The following OTOGL variants were observed in gnomAD, a reference collection of about 807,000 sequenced individuals.
OTOGL encodes the protein otogelin like.
A neutral mutation model predicts 318.5 loss-of-function variants in OTOGL; 285 were observed. The ratio of observed to expected loss-of-function variants is 0.89; its 90% confidence interval spans 0.81 to 0.99. OTOGL has a LOEUF of 0.99. OTOGL is among the 50% of genes least tolerant of loss of function. The probability of loss-of-function intolerance (pLI) is 0.00; values close to 1 mark genes in which losing one functional copy is unlikely to be tolerated. For synonymous variants in OTOGL, 987 were observed against 936.5 expected (o/e 1.05, Z -0.99); for missense variants, 2,899 against 2,845.6 (o/e 1.02, Z -0.43).
At chr12:80,290,831 T>C (rs1020262031) in intron 26 of OTOGL, among the ~76,000 whole-genome samples, 3 of 152,234 alleles carry the variant, frequency 2.0e-5, no homozygotes, top group Non-Finnish European at 2.9e-5. Context: ...ATGTAAAGCA[T>C]GCCAGTAAAG....
intron 29 of OTOGL, among the ~76,000 whole-genome samples, chr12:80,308,039 G>A (rs1250977851): frequency 5.0e-5 from 7 of 140,476 alleles, no homozygotes; most frequent in Admixed American, 6.8e-5. Flanking sequence ...GGCTGGCCGC[G>A]CGGGGGGCTG....
At position 80,233,046 on chromosome 12, in the gene OTOGL, C is replaced by G. The variant is rs1162151864; in HGVS notation, c.766C>G (p.Leu256Val). Residue 256 changes from leucine (L) to valine (V), a missense_variant, in exon 9 of 59, where the codon CTA becomes GTA. Leu to Val is a conservative substitution (Grantham distance 32, BLOSUM62 1). Around this residue, in one of 3 missense-constraint regions of OTOGL, gnomAD observed 2,607 missense variants for 2,524.9 expected, o/e 1.03. Transcript: ENST00000547103. ...GGACCATAAGGGGAAATCATGTGGC[C>G]TATGTGGAAACTACAATGACATTCA... ...SEDHKGKSCG[L>V]CGNYNDIQSD... 9.4e-6 allele frequency: 15 copies of G among 1,598,426 alleles called. No homozygotes were observed. The highest frequency in any genetic ancestry group is 1.3e-5 in the Non-Finnish European group (15 of 1,178,878).
chr12:80,279,234 G>T, intron 26 of OTOGL, 68 bp downstream of exon 26: 1 of 1,377,064 alleles, frequency 7.3e-7, no homozygotes, highest in South Asian at 1.3e-5. Flanking sequence ...AAGTATGCTG[G>T]TCCCTGATAT....
intron 1 of OTOGL, among the ~76,000 whole-genome samples, chr12:80,126,757 G>C (rs1165050578): frequency 6.6e-6 from 1 of 152,174 alleles, no homozygotes; most frequent in African/African-American, 2.4e-5. Flanking sequence ...AGGATAGTTA[G>C]CTCTTCTTGT....
chr12:80,377,750 A>C, intron 58 of OTOGL, 98 bp from the exon 59 acceptor site: 6 of 942,866 alleles, frequency 6.4e-6, no homozygotes, highest in Non-Finnish European at 9.5e-6. Context: ...TGGAGTGATG[A>C]GGAAGAAAGA....
At chr12:80,305,104 T>C (rs989574812) in intron 28 of OTOGL, among the ~76,000 whole-genome samples, 1 of 152,166 alleles carries the variant, frequency 6.6e-6, no homozygotes, top group African/African-American at 2.4e-5. Flanking sequence ...GGCAATATGA[T>C]ATATTCCAAC....
chr12:80,234,342 T>C (rs1042844930), intron 9 of OTOGL, among the ~76,000 whole-genome samples: 4 of 152,066 alleles, frequency 2.6e-5, no homozygotes, highest in African/African-American at 9.7e-5. Context: ...GATAAGTGTT[T>C]GAGTAATTGC....
At chr12:80,149,934 C>A (rs1325893476) in intron 1 of OTOGL, among the ~76,000 whole-genome samples, 1 of 152,220 alleles carries the variant, frequency 6.6e-6, no homozygotes, top group East Asian at 1.9e-4. Flanking sequence ...CGCGCACCCA[C>A]TGACCTGCGC....
chr12:80,257,827 A>G lies in OTOGL; in HGVS notation c.1714A>G (p.Ile572Val), dbSNP rs942588475. ...TTACGTATGTTCTTTTCCTGCAGGTATTGTTGAAATTCAAACTCTGTCATC... is the reference window on the plus strand; with the variant it reads ...TTACGTATGTTCTTTTCCTGCAGGTGTTGTTGAAATTCAAACTCTGTCATC... ...SPNQGFNLNG[I>V]VEIQTLSSLF... Residue 572 changes from isoleucine to valine, a missense_variant and splice_region_variant, in exon 18 of 59, where the codon ATT becomes GTT. By Grantham distance (29) the Ile-to-Val change is conservative (BLOSUM62 3). Coordinates refer to ENST00000547103, the MANE Select transcript of OTOGL (RefSeq NM_001378609.3). The G allele has an allele frequency of 3.8e-6, 6 of 1,570,370 alleles. No individual in the cohort carries two copies. Among genetic ancestry groups the G allele is most frequent in the African/African-American group, 2.7e-5 (2 of 73,568 alleles).
At chr12:80,374,528 G>A (rs10746157) in intron 57 of OTOGL, among the ~76,000 whole-genome samples, 109,024 of 152,098 alleles carry the variant, frequency 0.72, 40,950 homozygotes, top group Non-Finnish European at 0.84. Context: ...AAATAAGCAC[G>A]TTTTCATTCA....
chr12:80,376,327 C>T (rs1273196328), intron 57 of OTOGL, among the ~76,000 whole-genome samples: 1 of 152,126 alleles, frequency 6.6e-6, no homozygotes, highest in Non-Finnish European at 1.5e-5. Context: ...TAAGTTCACT[C>T]TTTTGTAAGT....
intron 27 of OTOGL, among the ~76,000 whole-genome samples, chr12:80,299,979 A>G (rs1019270722): frequency 6.6e-6 from 1 of 152,218 alleles, no homozygotes; most frequent in African/African-American, 2.4e-5. Flanking sequence ...AGTAGAAAAG[A>G]TGTGCTTTTG....
At chr12:80,149,512 T>G (rs953096758) in intron 1 of OTOGL, among the ~76,000 whole-genome samples, 1 of 152,134 alleles carries the variant, frequency 6.6e-6, no homozygotes, top group African/African-American at 2.4e-5. Context: ...AGGTTACTGC[T>G]GTCTTTTTGT....
chr12:80,285,688 T>C (rs1424406314), intron 26 of OTOGL, among the ~76,000 whole-genome samples: 1 of 152,124 alleles, frequency 6.6e-6, no homozygotes, highest in Non-Finnish European at 1.5e-5. Context: ...ATTTTTGGTG[T>C]ATAAGAATGC....
intron 44 of OTOGL, among the ~76,000 whole-genome samples, chr12:80,348,768 C>A (rs1464427140): frequency 6.6e-6 from 1 of 152,150 alleles, no homozygotes; most frequent in Non-Finnish European, 1.5e-5. Context: ...TTGTTGCCTC[C>A]CTTAATATTA....
At chr12:80,368,944 T>C (rs1275885493) in intron 55 of OTOGL, among the ~76,000 whole-genome samples, 1 of 151,724 alleles carries the variant, frequency 6.6e-6, no homozygotes, top group East Asian at 1.9e-4. Context: ...GAATAGACAA[T>C]TGACATTTTT....
At chr12:80,102,979 G>A in intron 1 of OTOGL, 2 of 901,966 alleles carry the variant, frequency 2.2e-6, no homozygotes, top group South Asian at 2.6e-5. Flanking sequence ...TTCCGTTCAA[G>A]GATCTTTTTG....
intron 1 of OTOGL, among the ~76,000 whole-genome samples, chr12:80,135,083 T>C (rs1871465408): frequency 6.6e-6 from 1 of 152,144 alleles, no homozygotes; most frequent in South Asian, 2.1e-4. Flanking sequence ...TGTTATCACT[T>C]GGACCACAGA....
At chr12:80,345,139 A>G (rs1889101528) in intron 44 of OTOGL, among the ~76,000 whole-genome samples, 1 of 136,108 alleles carries the variant, frequency 7.3e-6, no homozygotes, top group Admixed American at 8.1e-5. Flanking sequence ...ATTATAATAT[A>G]TATTATATGT....
Sources: gnomAD v4.1 joint callset for allele counts (sites outside exome capture counted in the v4.1 genomes callset) on GRCh38, gnomAD v4.1.1 for gene constraint, gnomAD v4.1.1 regional missense constraint, MANE v1.5 for transcripts, NCBI Gene and HGNC (gene_info 2026-07-23, HGNC 2026-07-21) for gene names.